Variants in DNPEP observed in about 807,000 individuals in gnomAD.
DNPEP encodes the protein aspartyl aminopeptidase.
A neutral mutation model predicts 59.1 loss-of-function variants in DNPEP; 46 were observed. The ratio of observed to expected loss-of-function variants is 0.78; its 90% CI spans 0.61 to 0.99. The LOEUF (loss-of-function observed/expected upper bound fraction) is 0.99, where lower values mean the gene tolerates loss of function less well. Among genes scored for constraint, DNPEP ranks in the 50% least tolerant of loss-of-function variants. DNPEP has a pLI of 0.00. For missense variants in DNPEP, 617 were observed against 649.9 expected (o/e 0.95, Z 0.55); for synonymous variants, 229 against 242.2 (o/e 0.95, Z 0.50).
chr2:219,393,303 A>G (rs1954047690), upstream of DNPEP, among the ~76,000 whole-genome samples: 1 of 151,922 alleles, frequency 6.6e-6, no homozygotes, highest in Non-Finnish European at 1.5e-5. Flanking sequence ...TTTTTGAGAC[A>G]GAGTCTTGCT....
chr2:219,381,725 C>G (rs542345635), intron 11 of DNPEP, 141 bp from the exon 12 acceptor site: 8 of 1,065,640 alleles, frequency 7.5e-6, no homozygotes, highest in African/African-American at 3.1e-5. Flanking sequence ...ATTCCACACA[C>G]AGGGTTCCGG....
intron 1 of DNPEP, among the ~76,000 whole-genome samples, chr2:219,395,947 G>T (rs1559346055): frequency 6.6e-6 from 1 of 152,202 alleles, no homozygotes; most frequent in South Asian, 2.1e-4. Context: ...CTGAATTAAA[G>T]AAATTTTGAA....
chr2:219,399,587 C>G, intron 1 of DNPEP: 2 of 628,600 alleles, frequency 3.2e-6, no homozygotes, highest in Non-Finnish European at 2.9e-6. Context: ...GGTGGGCTGC[C>G]CTTGAACTCA....
At chr2:219,383,373 G>T (rs550362083) in intron 9 of DNPEP, among the ~76,000 whole-genome samples, 159 bp from the exon 10 acceptor site, 1 of 152,266 alleles carries the variant, frequency 6.6e-6, no homozygotes, top group African/African-American at 2.4e-5. Flanking sequence ...ATCAATTAGG[G>T]CACTGCCTGG....
At chr2:219,399,397 C>T (rs762880469) in intron 1 of DNPEP, 3 of 456,620 alleles carry the variant, frequency 6.6e-6, no homozygotes, top group South Asian at 4.6e-5. Flanking sequence ...GGGTGCGAAT[C>T]CCCCGGAGTG....
At position 219,386,744 on chromosome 2, in the gene DNPEP, G is replaced by A. The variant is rs749155040; in HGVS notation, c.254C>T (p.Ala85Val). The A allele has an allele frequency of 3.7e-6, 6 of 1,613,132 alleles. No homozygotes were observed. Among genetic ancestry groups the A allele is most frequent in the East Asian group, 4.5e-5 (2 of 44,882 alleles). ...AACGTACTGGCCCCCTACAGCAAAAGCTATGATGGTGGAGGAGTTCCTGGT... is the reference window on the plus strand; with the variant it reads ...AACGTACTGGCCCCCTACAGCAAAAACTATGATGGTGGAGGAGTTCCTGGT... ...FMTRNSSTII[A>V]FAVGGQYVPG... Residue 85 changes from alanine (A) to valine (V), a missense_variant, in exon 4 of 15, where the codon GCT (alanine) becomes GTT (valine). Ala to Val is a moderately conservative substitution (Grantham distance 64). Transcript: ENST00000273075.
chr2:219,395,318 C>T (rs146857515), intron 1 of DNPEP, among the ~76,000 whole-genome samples: 1 of 152,188 alleles, frequency 6.6e-6, no homozygotes, highest in Non-Finnish European at 1.5e-5. Context: ...AGTAGAACCA[C>T]TGTCACCTGC....
chr2:219,396,651 A>G (rs1319230978), intron 1 of DNPEP, among the ~76,000 whole-genome samples: 3 of 152,208 alleles, frequency 2.0e-5, no homozygotes, highest in Non-Finnish European at 4.4e-5. Context: ...CAAATATTGC[A>G]TGGGATATGC....
At chr2:219,384,310 A>C in intron 9 of DNPEP, 56 bp downstream of exon 9, 1 of 1,542,322 alleles carries the variant, frequency 6.5e-7, no homozygotes, top group Non-Finnish European at 8.8e-7. Context: ...CCCCGACCCC[A>C]AACATACCAC....
At chr2:219,388,736 TCG>T (rs1310294243), upstream of DNPEP, 1 of 985,512 alleles carries the variant, frequency 1.0e-6, no homozygotes, top group East Asian at 1.1e-4. Flanking sequence ...GTGCTGTCTC[TCG>T]CCACAGCCAC....
upstream of DNPEP, among the ~76,000 whole-genome samples, chr2:219,393,308 C>T (rs1022975799): frequency 6.6e-6 from 1 of 151,910 alleles, no homozygotes; most frequent in African/African-American, 2.4e-5. Flanking sequence ...GAGACAGAGT[C>T]TTGCTCTGTT....
At chr2:219,384,554 CT>C in intron 8 of DNPEP, 111 bp from the exon 9 acceptor site, 1 of 781,676 alleles carries the variant, frequency 1.3e-6, no homozygotes, top group Non-Finnish European at 2.0e-6. Flanking sequence ...TGACCCCTGG[CT>C]TAGGGCACTA....
chr2:219,379,763 A>T (rs1953513163), intron 13 of DNPEP, among the ~76,000 whole-genome samples: 1 of 151,966 alleles, frequency 6.6e-6, no homozygotes, highest in Admixed American at 6.6e-5. Context: ...TCTACTAAAA[A>T]TACAAAAATT....
intron 5 of DNPEP, 63 bp downstream of exon 5, chr2:219,386,223 C>T (rs1953823973): frequency 6.2e-7 from 1 of 1,612,448 alleles, no homozygotes; most frequent in Non-Finnish European, 8.5e-7. Context: ...CCCACGGGTA[C>T]CCTGAGGAGT....
rs1288473297 is a variant in DNPEP at position 219,374,139 on chromosome 2, C to G, written c.*153G>C. 1.1e-5 allele frequency: 8 copies of G among 737,318 alleles called. No individual in the cohort carries two copies. Among genetic ancestry groups the G allele is most frequent in the Non-Finnish European group, 1.8e-5 (8 of 447,188 alleles). 45.7% of individuals were successfully genotyped at this position (737,318 alleles called of 1,614,324 possible). ...CCCAACTTTTCTGGTTCCAAAGGTTCAAGCCAGGCTCAACTCCCACTCCTC... is the reference window on the plus strand; with the variant it reads ...CCCAACTTTTCTGGTTCCAAAGGTTGAAGCCAGGCTCAACTCCCACTCCTC... On this transcript the variant is annotated 3_prime_UTR_variant, in exon 15 of 15. Transcript: ENST00000273075.
chr2:219,386,195 C>A, intron 5 of DNPEP, 91 bp downstream of exon 5: 1 of 1,609,318 alleles, frequency 6.2e-7, no homozygotes, highest in South Asian at 1.1e-5. Context: ...TCTGACCAGA[C>A]TGCCCCCACC....
chr2:219,395,931 CACTT>C (rs1954089655), intron 1 of DNPEP, among the ~76,000 whole-genome samples: 4 of 152,332 alleles, frequency 2.6e-5, no homozygotes, highest in South Asian at 2.1e-4. Flanking sequence ...ATACAATAAA[CACTT>C]ACTGAATTAA....
chr2:219,395,717 C>G (rs1286022698), intron 1 of DNPEP, among the ~76,000 whole-genome samples: 1 of 152,220 alleles, frequency 6.6e-6, no homozygotes, highest in East Asian at 1.9e-4. Context: ...CCCTGCCTCC[C>G]AAGCTCCTTC....
chr2:219,382,369 C>T (rs1444668748), intron 10 of DNPEP, among the ~76,000 whole-genome samples: 1 of 152,202 alleles, frequency 6.6e-6, no homozygotes, highest in Non-Finnish European at 1.5e-5. Context: ...TCCCCTTCCT[C>T]CTCTCGTGAC....
Sources: allele counts gnomAD v4.1 joint callset (sites outside exome capture counted in the v4.1 genomes callset), GRCh38; gene constraint gnomAD v4.1.1; transcripts MANE v1.5; gene names NCBI Gene and HGNC (gene_info 2026-07-23, HGNC 2026-07-21).